The following FAM13A variants were observed in gnomAD, a reference collection of about 807,000 sequenced individuals.
The protein encoded by FAM13A is family with sequence similarity 13 member A.
FAM13A carries 76 observed loss-of-function variants against 129.6 expected under a neutral mutation model. The ratio of observed to expected loss-of-function variants is 0.59; its 90% CI spans 0.49 to 0.71. The LOEUF is 0.71. Ranked by LOEUF, FAM13A falls within the 30% of genes least tolerant of loss-of-function variation. The probability of loss-of-function intolerance (pLI) is 0.00; values close to 1 mark genes in which losing one functional copy is unlikely to be tolerated. For synonymous variants in FAM13A, 443 were observed against 449.9 expected (o/e 0.98, Z 0.20); for missense variants, 1,108 against 1,249.3 (o/e 0.89, Z 1.70).
chr4:88,746,799 T>C (rs969181225), intron 19 of FAM13A, 133 bp downstream of exon 19: 5 of 649,884 alleles, frequency 7.7e-6, no homozygotes, highest in Non-Finnish European at 1.4e-5. Flanking sequence ...TGTAAATATA[T>C]ACTAACCTCC....
At chr4:88,952,268 C>A (rs1188718266) in intron 4 of FAM13A, among the ~76,000 whole-genome samples, 1 of 151,858 alleles carries the variant, frequency 6.6e-6, no homozygotes, top group Admixed American at 6.6e-5. Flanking sequence ...GGAATAAATA[C>A]CAAGAAACAC....
intron 4 of FAM13A, among the ~76,000 whole-genome samples, chr4:88,960,995 C>CT (rs1212287781): frequency 2.0e-5 from 3 of 152,130 alleles, no homozygotes; most frequent in African/African-American, 7.2e-5. Flanking sequence ...ATTCTTAACA[C>CT]TTTTTAAAGA....
intron 16 of FAM13A, 23 bp downstream of exon 16, chr4:88,749,748 G>A (rs374145778): frequency 6.2e-7 from 1 of 1,612,590 alleles, no homozygotes; most frequent in Non-Finnish European, 8.5e-7. Flanking sequence ...GAGGCGAAAA[G>A]AACAGTGTGA....
chr4:88,755,439 A>G (rs1743418952), intron 14 of FAM13A, among the ~76,000 whole-genome samples: 1 of 152,166 alleles, frequency 6.6e-6, no homozygotes, highest in South Asian at 2.1e-4. Context: ...TACTGTTACC[A>G]TCCTATTTAA....
chr4:88,879,744 T>C (rs2150118973), intron 6 of FAM13A, among the ~76,000 whole-genome samples: 1 of 152,272 alleles, frequency 6.6e-6, no homozygotes, highest in Admixed American at 6.5e-5. Flanking sequence ...TTGGGTACAA[T>C]AACTGGTTAC....
chr4:88,791,591 T>C (rs1725166264), intron 8 of FAM13A, among the ~76,000 whole-genome samples: 1 of 152,142 alleles, frequency 6.6e-6, no homozygotes, highest in South Asian at 2.1e-4. Context: ...TCTTTAGTCG[T>C]GTCAAACTAT....
chr4:89,020,495 G>T lies in FAM13A; in HGVS notation c.392C>A (p.Ser131Ter). The change falls in exon 3 of 24, where the codon TCA becomes TAA. Residue 131 changes from serine to a stop codon, truncating the protein, a stop_gained. Coordinates refer to ENST00000264344, the MANE Select transcript of FAM13A (RefSeq NM_014883.4). LOFTEE classifies it high-confidence loss of function. ...TTGAATGAATCGAGGCTGCAACGCT[G>T]AGGTGATCAGACTGTCAGGCAGCTC... is the stretch of plus-strand genomic sequence containing the variant. The part of the protein sequence containing the change: ...LRELPDSLIT[S>*]ALQPRFIQLF... 2 of 1,613,994 alleles carry T rather than the reference G, an allele frequency of 1.2e-6. No homozygotes were observed. The highest frequency in any genetic ancestry group is 1.7e-6 in the Non-Finnish European group (2 of 1,179,930).
chr4:88,787,886 C>T lies in FAM13A; in HGVS notation c.1138G>A (p.Asp380Asn). 1 of 1,613,346 alleles carries T rather than the reference C, an allele frequency of 6.2e-7. No individual in the cohort carries two copies. The highest frequency in any genetic ancestry group is 8.5e-7 in the Non-Finnish European group (1 of 1,179,604). The change falls in exon 10 of 24, where the codon GAT becomes AAT. Residue 380 changes from aspartate to asparagine, a missense_variant. Transcript: ENST00000264344. Reference sequence around the variant, plus strand: ...CTTTGACCTCCAGAGTTATTAACATCAAAAAGATGTTGTTCTACAGCTGAT... The same window carrying T: ...CTTTGACCTCCAGAGTTATTAACATTAAAAAGATGTTGTTCTACAGCTGAT... ...IRSAVEQHLF[D>N]VNNSGGQSSE... is the part of the protein sequence containing the mutation.
intron 3 of FAM13A, among the ~76,000 whole-genome samples, chr4:88,994,787 G>A (rs867026221): frequency 1.3e-5 from 2 of 151,676 alleles, no homozygotes; most frequent in Admixed American, 6.6e-5. Flanking sequence ...GCAGAAGTGA[G>A]CCATGATCAT....
At chr4:88,863,743 G>A (rs569355580) in intron 6 of FAM13A, among the ~76,000 whole-genome samples, 7 of 152,296 alleles carry the variant, frequency 4.6e-5, no homozygotes, top group Non-Finnish European at 1.0e-4. Flanking sequence ...CACATTTGAT[G>A]TCAGAAGTGT....
chr4:88,964,900 T>C (rs1759143196), intron 4 of FAM13A, among the ~76,000 whole-genome samples: 1 of 152,148 alleles, frequency 6.6e-6, no homozygotes, highest in Non-Finnish European at 1.5e-5. Context: ...AGTGCTGGGA[T>C]TACAGGCGTG....
chr4:88,935,928 A>G (rs1210427772), intron 5 of FAM13A, among the ~76,000 whole-genome samples: 1 of 100,978 alleles, frequency 9.9e-6, no homozygotes, highest in East Asian at 2.1e-4. Context: ...GAGATCAGTT[A>G]AAAAAAATGC....
At chr4:88,894,707 AGACAGGG>A (rs1251337787) in intron 6 of FAM13A, among the ~76,000 whole-genome samples, 1 of 152,086 alleles carries the variant, frequency 6.6e-6, no homozygotes, top group African/African-American at 2.4e-5. Flanking sequence ...TTTTGAGTAG[AGACAGGG>A]TTTTGCCAAG....
At chr4:88,886,273 C>T (rs1744390315) in intron 6 of FAM13A, among the ~76,000 whole-genome samples, 1 of 152,208 alleles carries the variant, frequency 6.6e-6, no homozygotes, top group South Asian at 2.1e-4. Context: ...GCCCAAATGC[C>T]TATCAATCAA....
At chr4:88,796,613 T>C (rs532685213) in intron 8 of FAM13A, among the ~76,000 whole-genome samples, 2 of 152,068 alleles carry the variant, frequency 1.3e-5, no homozygotes, top group Non-Finnish European at 2.9e-5. Context: ...ATTTATATGA[T>C]TTGATAATAC....
At chr4:88,964,633 CTTTTTTTTT>C (rs763599993) in intron 4 of FAM13A, among the ~76,000 whole-genome samples, 2 of 135,672 alleles carry the variant, frequency 1.5e-5, no homozygotes, top group Non-Finnish European at 3.2e-5. Context: ...ACACTCTGCT[CTTTTTTTTT>C]TTTTTTTTGG....
chr4:88,913,124 GAAC>G (rs1429679485), intron 5 of FAM13A, among the ~76,000 whole-genome samples: 2 of 148,692 alleles, frequency 1.3e-5, no homozygotes, highest in Non-Finnish European at 1.5e-5. Context: ...AGAGGAAGAA[GAAC>G]AGGAGGAAGA....
rs765741179 is a variant in FAM13A at position 88,790,588 on chromosome 4, T to G, written c.1089A>C (p.Gly363=). ...VPQVSNVSAT[G]ELLERTIRSA... ...AAAACCCAACCCAAATAACTTACTCTCCGGTTGCAGACACATTGCTGACTT... is the reference window on the plus strand; with the variant it reads ...AAAACCCAACCCAAATAACTTACTCGCCGGTTGCAGACACATTGCTGACTT... The change falls in exon 9 of 24, where the codon GGA becomes GGC. Residue 363 remains glycine (G), a splice_region_variant and synonymous_variant. Transcript: ENST00000264344. 7.1e-6 allele frequency: 11 copies of G among 1,548,358 alleles called. No homozygotes were observed. The Admixed American group carries it at 8.8e-5, about 12-fold the overall frequency.
intron 5 of FAM13A, among the ~76,000 whole-genome samples, chr4:88,931,988 A>G (rs1463435531): frequency 1.3e-5 from 2 of 152,246 alleles, no homozygotes; most frequent in Non-Finnish European, 2.9e-5. Context: ...CCTGCTGCTC[A>G]GAAGGTTCTA....
Sources: gnomAD v4.1 joint callset for allele counts (sites outside exome capture counted in the v4.1 genomes callset) on GRCh38, gnomAD v4.1.1 for gene constraint, MANE v1.5 for transcripts, NCBI Gene and HGNC (gene_info 2026-07-23, HGNC 2026-07-21) for gene names.